Variants in PLSCR2 observed in about 807,000 individuals in gnomAD.
PLSCR2 encodes the protein phospholipid scramblase 2.
In PLSCR2, 18 loss-of-function variants were observed where a neutral mutation model predicts 25.3. The ratio of observed to expected loss-of-function variants is 0.71; its 90% confidence interval spans 0.49 to 1.06. The LOEUF is 1.06. Among genes scored for constraint, PLSCR2 ranks in the 50% least tolerant of loss-of-function variants. The pLI, the probability that PLSCR2 is intolerant of heterozygous loss-of-function variation, is 0.00. For missense variants in PLSCR2, 243 were observed against 269.5 expected (o/e 0.90, Z 0.69); for synonymous variants, 88 against 87.3 (o/e 1.01, Z -0.04).
chr3:146,396,243 C>T (rs2038268157), intron 2 of PLSCR2, among the ~76,000 whole-genome samples: 1 of 152,134 alleles, frequency 6.6e-6, no homozygotes. Flanking sequence ...CCACTAGCTT[C>T]TCAGCTCATT....
At chr3:146,477,119 C>T (rs1191303270) in intron 1 of PLSCR2, among the ~76,000 whole-genome samples, 10 of 152,170 alleles carry the variant, frequency 6.6e-5, no homozygotes, top group Admixed American at 3.9e-4. Context: ...AGTTCTGTTC[C>T]AAGATGGCCA....
chr3:146,449,094 T>TATAAAATGTTCTCATTTA, intron 6 of PLSCR2, 112 bp downstream of exon 6: 2 of 823,370 alleles, frequency 2.4e-6, no homozygotes, highest in Non-Finnish European at 3.8e-6. Context: ...GAGAACATTT[T>TATAAAATGTTCTCATTTA]ATAAAACCTT....
intron 5 of PLSCR2, among the ~76,000 whole-genome samples, chr3:146,452,094 T>C (rs1003984055): frequency 3.9e-5 from 6 of 152,154 alleles, no homozygotes; most frequent in Non-Finnish European, 2.9e-5. Context: ...TGGTTGGAAT[T>C]TGAAATTGGG....
At chr3:146,492,900 G>A (rs2043602028) in intron 1 of PLSCR2, among the ~76,000 whole-genome samples, 1 of 151,580 alleles carries the variant, frequency 6.6e-6, no homozygotes, top group South Asian at 2.1e-4. Flanking sequence ...TGCTTTGATA[G>A]ACCACTAGCT....
downstream of PLSCR2, among the ~76,000 whole-genome samples, chr3:146,429,144 C>A (rs1169410499): frequency 1.3e-5 from 2 of 151,990 alleles, no homozygotes; most frequent in Non-Finnish European, 2.9e-5. Flanking sequence ...CTGCAGGCTG[C>A]ACATGAAGCA....
At chr3:146,394,867 T>C (rs889028918) in intron 3 of PLSCR2, among the ~76,000 whole-genome samples, 1 of 152,184 alleles carries the variant, frequency 6.6e-6, no homozygotes, top group African/African-American at 2.4e-5. Flanking sequence ...CAGGCTGTTC[T>C]TGTGATAGCC....
chr3:146,490,661 A>T (rs143014659), intron 1 of PLSCR2, among the ~76,000 whole-genome samples: 1 of 152,244 alleles, frequency 6.6e-6, no homozygotes, highest in Non-Finnish European at 1.5e-5. Flanking sequence ...TGAAATAAGA[A>T]TATCAATTCC....
chr3:146,414,569 G>A (rs543637616), intron 2 of PLSCR2, among the ~76,000 whole-genome samples: 110 of 150,938 alleles, frequency 7.3e-4, no homozygotes, highest in African/African-American at 2.5e-3. Flanking sequence ...TTTTAGAATC[G>A]CTAACGCATA....
At chr3:146,433,792 T>G (rs1490128197) in intron 8 of PLSCR2, among the ~76,000 whole-genome samples, 8 of 152,182 alleles carry the variant, frequency 5.3e-5, no homozygotes. Flanking sequence ...GGAGGTCATC[T>G]AGACATTGCT....
At chr3:146,468,340 CA>C (rs1275137285) in intron 1 of PLSCR2, among the ~76,000 whole-genome samples, 1 of 152,198 alleles carries the variant, frequency 6.6e-6, no homozygotes, top group Admixed American at 6.5e-5. Context: ...AAGGAGCCCC[CA>C]AACCGCCTGA....
At chr3:146,469,466 G>A in intron 1 of PLSCR2, 29 bp downstream of exon 1, 1 of 944,598 alleles carries the variant, frequency 1.1e-6, no homozygotes. Flanking sequence ...AGTCCCATAG[G>A]GAGGCGACTG....
intron 2 of PLSCR2, among the ~76,000 whole-genome samples, chr3:146,398,245 T>C (rs2038338165): frequency 6.6e-6 from 1 of 151,886 alleles, no homozygotes; most frequent in Non-Finnish European, 1.5e-5. Context: ...ATCTGAGAAG[T>C]AAATTAGTAA....
intron 2 of PLSCR2, among the ~76,000 whole-genome samples, chr3:146,416,128 T>A (rs1576585363): frequency 6.6e-6 from 1 of 151,928 alleles, no homozygotes; most frequent in African/African-American, 2.4e-5. Context: ...TTTTTTGTAT[T>A]TTTAGTAGAG....
At chr3:146,411,544 G>C (rs1191941577) in intron 2 of PLSCR2, among the ~76,000 whole-genome samples, 2 of 152,204 alleles carry the variant, frequency 1.3e-5, no homozygotes, top group Non-Finnish European at 2.9e-5. Flanking sequence ...GTCCTTCCGG[G>C]GGAGCCTGGA....
At chr3:146,480,381 G>A (rs1183766381) in intron 1 of PLSCR2, among the ~76,000 whole-genome samples, 5 of 151,820 alleles carry the variant, frequency 3.3e-5, no homozygotes, top group East Asian at 1.9e-4. Context: ...TCAAACAGAC[G>A]CAATAAAGAA....
intron 1 of PLSCR2, among the ~76,000 whole-genome samples, chr3:146,493,437 T>C (rs575437395): frequency 2.6e-5 from 4 of 152,276 alleles, no homozygotes; most frequent in African/African-American, 9.6e-5. Context: ...TCCATCATGA[T>C]TGAGTAGGCT....
intron 2 of PLSCR2, among the ~76,000 whole-genome samples, chr3:146,416,013 C>T (rs546944163): frequency 7.9e-5 from 12 of 152,162 alleles, no homozygotes; most frequent in South Asian, 6.2e-4. Flanking sequence ...TGCAGTGGCG[C>T]GATCTTGACT....
At chr3:146,493,286 C>T (rs1252827847) in intron 1 of PLSCR2, among the ~76,000 whole-genome samples, 1 of 152,140 alleles carries the variant, frequency 6.6e-6, no homozygotes, top group Non-Finnish European at 1.5e-5. Context: ...TATCTTCTAA[C>T]TCATTTTAGG....
At chr3:146,414,473 G>GA (rs1274848275) in intron 2 of PLSCR2, among the ~76,000 whole-genome samples, 3 of 151,896 alleles carry the variant, frequency 2.0e-5, no homozygotes, top group South Asian at 2.1e-4. Context: ...AATTCAGCAA[G>GA]AAAAAAACAA....
Sources: gnomAD v4.1 joint callset for allele counts (sites outside exome capture counted in the v4.1 genomes callset) on GRCh38, gnomAD v4.1.1 for gene constraint, MANE v1.5 for transcripts, NCBI Gene and HGNC (gene_info 2026-07-23, HGNC 2026-07-21) for gene names.